The following CWC22 variants were observed in gnomAD, a reference collection of about 807,000 sequenced individuals.
CWC22 encodes CWC22 spliceosome associated protein.
A neutral mutation model predicts 117.2 loss-of-function variants in CWC22; 53 were observed. The ratio of observed to expected loss-of-function variants is 0.45; its 90% confidence interval spans 0.36 to 0.57. The LOEUF (loss-of-function observed/expected upper bound fraction) is 0.57. CWC22 is among the 20% of genes least tolerant of loss of function. CWC22 has a pLI of 0.00. For missense variants in CWC22, 980 were observed against 1,068.8 expected (o/e 0.92, Z 1.16); for synonymous variants, 360 against 355.6 (o/e 1.01, Z -0.14).
Position 179,945,582 on chromosome 2 carries a change from A to G in CWC22, c.2274T>C (p.Thr758=). 1.2e-6 allele frequency: 2 copies of G among 1,613,352 alleles called. No homozygotes were observed. The highest frequency in any genetic ancestry group is 8.5e-7 in the Non-Finnish European group (1 of 1,179,690). The change falls in exon 20 of 20, where the codon ACT becomes ACC. Residue 758 remains threonine (T), a synonymous_variant. Transcript: ENST00000410053. ...RQEHGHQETR[T]ERERRSEKHR... is the part of the protein sequence containing the mutation. ...GTTTTTCTGACCTTCTTTCTCTCTCAGTCCTTGTTTCCTGGTGCCCGTGTT... is the reference window on the plus strand; with the variant it reads ...GTTTTTCTGACCTTCTTTCTCTCTCGGTCCTTGTTTCCTGGTGCCCGTGTT...
chr2:179,984,622 A>T (rs180954145), intron 4 of CWC22, among the ~76,000 whole-genome samples: 2 of 152,162 alleles, frequency 1.3e-5, no homozygotes, highest in East Asian at 3.9e-4. Context: ...ATTTTAGTCA[A>T]CGATAAACCA....
At chr2:179,977,934 T>G (rs1005233004) in intron 6 of CWC22, among the ~76,000 whole-genome samples, 1 of 152,166 alleles carries the variant, frequency 6.6e-6, no homozygotes, top group African/African-American at 2.4e-5. Context: ...CTGGAGGCAT[T>G]AAGTAAATGT....
chr2:179,949,911 G>A (rs892270375), intron 19 of CWC22, among the ~76,000 whole-genome samples: 3 of 151,988 alleles, frequency 2.0e-5, no homozygotes, highest in East Asian at 1.9e-4. Flanking sequence ...GACATAAAAA[G>A]GAGTCCATAA....
At chr2:179,961,601 A>C (rs1686751578) in intron 13 of CWC22, among the ~76,000 whole-genome samples, 1 of 152,040 alleles carries the variant, frequency 6.6e-6, no homozygotes, top group Non-Finnish European at 1.5e-5. Context: ...TCTTTTAAAA[A>C]ACGAAATTAG....
At chr2:179,969,423 A>G (rs1686975103) in intron 11 of CWC22, among the ~76,000 whole-genome samples, 1 of 152,182 alleles carries the variant, frequency 6.6e-6, no homozygotes, top group South Asian at 2.1e-4. Context: ...GGAATGGAAG[A>G]TTTCTCCCAA....
At position 180,000,820 on chromosome 2, in the gene CWC22, GAA is replaced by G. The variant is rs199821429; in HGVS notation, c.-114+6045_-114+6046del. ...TTAAGACAGTAAGACACAGAGGAGT[GAA>G]AAAAAAAAAAGACATTTTAATGAAC... On this transcript the variant is annotated intron_variant, in intron 1 of 19. Coordinates refer to ENST00000410053, the MANE Select transcript of CWC22 (RefSeq NM_020943.3). Among the ~76,000 whole-genome samples the G allele has an allele frequency of 3.0e-3, 402 of 135,924 alleles. 3 individuals carry two copies. In the East Asian group the frequency reaches 0.034, roughly 12 times the overall value. The allele number at this position is 135,924 out of a possible 152,430, so 89.2% of individuals were successfully genotyped here.
chr2:179,973,726 C>A lies in CWC22; in HGVS notation c.658G>T (p.Ala220Ser). 6.2e-7 allele frequency: 1 copy of A among 1,609,734 alleles called. No homozygotes were observed. Among genetic ancestry groups the A allele is most frequent in the Non-Finnish European group, 8.5e-7 (1 of 1,176,492 alleles). Residue 220 changes from alanine to serine, a missense_variant, in exon 7 of 20, where the codon GCA becomes TCA. Coordinates refer to ENST00000410053, the MANE Select transcript of CWC22 (RefSeq NM_020943.3). ...TGTGGAAATTTTGAGTTGATAATTGCCACTAATGCTGCATAAACATGGGTG... is the reference window on the plus strand; with the variant it reads ...TGTGGAAATTTTGAGTTGATAATTGACACTAATGCTGCATAAACATGGGTG... Reference protein sequence around the residue: ...IFTHVYAALVAIINSKFPQIG... With the variant: ...IFTHVYAALVSIINSKFPQIG...
intron 1 of CWC22, among the ~76,000 whole-genome samples, chr2:179,994,142 T>C (rs747751278): frequency 6.6e-6 from 1 of 152,230 alleles, no homozygotes; most frequent in Non-Finnish European, 1.5e-5. Flanking sequence ...TTGATACTTA[T>C]GTTCACAAAG....
At chr2:180,002,108 C>T (rs776351875) in intron 1 of CWC22, among the ~76,000 whole-genome samples, 2 of 152,216 alleles carry the variant, frequency 1.3e-5, no homozygotes, top group African/African-American at 4.8e-5. Flanking sequence ...CAATTTGCTA[C>T]AGGAAACCTC....
At chr2:180,003,126 T>C (rs1282119044) in intron 1 of CWC22, among the ~76,000 whole-genome samples, 1 of 152,212 alleles carries the variant, frequency 6.6e-6, no homozygotes. Flanking sequence ...CAGCGTTGTC[T>C]CACCTATTAA....
At chr2:180,004,668 A>G (rs1174489701) in intron 1 of CWC22, among the ~76,000 whole-genome samples, 2 of 152,108 alleles carry the variant, frequency 1.3e-5, no homozygotes, top group African/African-American at 4.8e-5. Context: ...TGCAGGCATG[A>G]GCCATCGCCG....
At chr2:180,002,110 G>C (rs1336860728) in intron 1 of CWC22, among the ~76,000 whole-genome samples, 2 of 152,150 alleles carry the variant, frequency 1.3e-5, no homozygotes, top group Non-Finnish European at 2.9e-5. Context: ...ATTTGCTACA[G>C]GAAACCTCTA....
At position 179,959,065 on chromosome 2, in the gene CWC22, C is replaced by T; in HGVS notation, c.1415G>A (p.Cys472Tyr). The change falls in exon 14 of 20, where the codon TGT (cysteine) becomes TAT (tyrosine). Residue 472 changes from cysteine (C) to tyrosine (Y), a missense_variant. Transcript: ENST00000410053. The stretch of plus-strand genomic sequence containing the variant: ...CTCCATTTTCAGCAATTTGTGAGCA[C>T]ATTCTTCAAAATCTAAACTGTGGAA... ...AIQSSLDFEECAHKLLKMEFP... is the reference protein window; with the variant it reads ...AIQSSLDFEEYAHKLLKMEFP... 6.4e-7 allele frequency: 1 copy of T among 1,570,962 alleles called. No homozygotes were observed. Among genetic ancestry groups the T allele is most frequent in the East Asian group, 2.3e-5 (1 of 43,280 alleles).
chr2:179,970,365 A>G (rs1382741694), intron 11 of CWC22, 136 bp downstream of exon 11: 1 of 959,132 alleles, frequency 1.0e-6, no homozygotes, highest in Non-Finnish European at 1.5e-6. Flanking sequence ...TGCCCGAGGA[A>G]ACAGCTAAGA....
At chr2:180,005,846 CT>C (rs936666129) in intron 1 of CWC22, among the ~76,000 whole-genome samples, 70 of 152,302 alleles carry the variant, frequency 4.6e-4, no homozygotes, top group African/African-American at 1.6e-3. Flanking sequence ...ACACTAGAGA[CT>C]TTAGGTAACT....
chr2:180,004,511 C>T (rs1470905442), intron 1 of CWC22, among the ~76,000 whole-genome samples: 3 of 152,156 alleles, frequency 2.0e-5, no homozygotes, highest in Non-Finnish European at 4.4e-5. Context: ...CGTGCCTCAG[C>T]CACCCGAGTA....
intron 1 of CWC22, among the ~76,000 whole-genome samples, chr2:179,996,843 T>G (rs1450015198): frequency 7.0e-6 from 1 of 141,964 alleles, no homozygotes; most frequent in Non-Finnish European, 1.5e-5. Context: ...AAAAAAAAAG[T>G]TAACGTAGAA....
At chr2:180,002,532 G>C (rs1687872238) in intron 1 of CWC22, among the ~76,000 whole-genome samples, 2 of 152,190 alleles carry the variant, frequency 1.3e-5, no homozygotes, top group Non-Finnish European at 2.9e-5. Context: ...GAAGCTAAGA[G>C]AAAAAGTACA....
intron 1 of CWC22, among the ~76,000 whole-genome samples, chr2:179,993,670 A>C (rs945315396): frequency 2.6e-5 from 4 of 152,152 alleles, no homozygotes; most frequent in African/African-American, 7.2e-5. Flanking sequence ...GAGCAAATAG[A>C]AGGTTTTATT....
Sources: gnomAD v4.1 joint callset for allele counts (sites outside exome capture counted in the v4.1 genomes callset) on GRCh38, gnomAD v4.1.1 for gene constraint, MANE v1.5 for transcripts, NCBI Gene and HGNC (gene_info 2026-07-23, HGNC 2026-07-21) for gene names.